GABRR2: variants seen among roughly 807,000 people sequenced by gnomAD.
GABRR2 encodes the protein gamma-aminobutyric acid receptor subunit rho-2.
A neutral mutation model predicts 47.0 loss-of-function variants in GABRR2; 36 were observed. That is an observed-to-expected ratio of 0.77 (90% CI 0.59 to 1.01). The LOEUF (loss-of-function observed/expected upper bound fraction) is 1.01, where lower values mean the gene tolerates loss of function less well. Among genes scored for constraint, GABRR2 ranks in the 50% least tolerant of loss-of-function variants. GABRR2 has a pLI of 0.00. For synonymous variants in GABRR2, 204 were observed against 227.5 expected (o/e 0.90, Z 0.93); for missense variants, 587 against 594.6 (o/e 0.99, Z 0.13).
chr6:89,300,490 C>T (rs71556327), intron 1 of GABRR2, among the ~76,000 whole-genome samples: 32 of 148,770 alleles, frequency 2.2e-4, no homozygotes, highest in East Asian at 1.9e-4. Context: ...TAGAGTGAGA[C>T]TCTGTCGCAA....
chr6:89,274,775 A>T (rs1774127650), intron 2 of GABRR2, among the ~76,000 whole-genome samples: 2 of 152,062 alleles, frequency 1.3e-5, no homozygotes. Context: ...ACTGAGGTGG[A>T]GAATTGCTTG....
At chr6:89,273,529 C>T (rs545212352) in intron 2 of GABRR2, among the ~76,000 whole-genome samples, 35 of 152,350 alleles carry the variant, frequency 2.3e-4, no homozygotes, top group African/African-American at 5.3e-4. Context: ...GCCACCGCAC[C>T]GGCCTGCATT....
chr6:89,269,143 C>A lies in GABRR2; in HGVS notation c.380G>T (p.Gly127Val). 6.2e-7 allele frequency: 1 copy of A among 1,614,026 alleles called. No individual in the cohort carries two copies. Among genetic ancestry groups the A allele is most frequent in the South Asian group, 1.1e-5 (1 of 91,082 alleles). The change falls in exon 4 of 9, where the codon GGC (glycine) becomes GTC (valine). Residue 127 changes from glycine to valine, a missense_variant. Transcript: ENST00000402938. ...GACCCAGATCTTCTTCACCAGCCGGCCATCGAAGGTCATGCTCTTGTTGCT... is the reference window on the plus strand; with the variant it reads ...GACCCAGATCTTCTTCACCAGCCGGACATCGAAGGTCATGCTCTTGTTGCT... ...SASNKSMTFD[G>V]RLVKKIWVPD...
chr6:89,276,920 A>G (rs916913547), intron 2 of GABRR2, among the ~76,000 whole-genome samples: 12 of 152,220 alleles, frequency 7.9e-5, no homozygotes, highest in Admixed American at 3.3e-4. Context: ...TAGGTCTATG[A>G]AACTATCTGA....
chr6:89,275,956 C>A (rs1053734850), intron 2 of GABRR2, among the ~76,000 whole-genome samples: 2 of 151,860 alleles, frequency 1.3e-5, no homozygotes, highest in African/African-American at 4.8e-5. Flanking sequence ...GGTGTTAATG[C>A]CACCAGGCAC....
At chr6:89,300,745 C>A (rs371736587) in intron 1 of GABRR2, among the ~76,000 whole-genome samples, 149 of 76,344 alleles carry the variant, frequency 2.0e-3, no homozygotes, top group African/African-American at 2.7e-3. Context: ...GCGTACCAAC[C>A]AAAAAAAAAA....
intron 1 of GABRR2, among the ~76,000 whole-genome samples, chr6:89,309,481 C>T (rs1338487949): frequency 1.3e-5 from 2 of 152,150 alleles, no homozygotes; most frequent in Non-Finnish European, 2.9e-5. Flanking sequence ...CTAAACTCCA[C>T]ATCTTCCTCT....
chr6:89,282,713 C>A (rs895785296), intron 2 of GABRR2, among the ~76,000 whole-genome samples: 6 of 152,208 alleles, frequency 3.9e-5, no homozygotes, highest in African/African-American at 1.4e-4. Context: ...AGCCCAAGCC[C>A]ACCACCAGGC....
chr6:89,255,718 A>G lies in GABRR2; in HGVS notation c.*1952T>C, dbSNP rs1260877871. Among the ~76,000 whole-genome samples the G allele has an allele frequency of 6.6e-6, 1 of 152,062 alleles. No individual in the cohort carries two copies. The highest frequency in any genetic ancestry group is 2.4e-5 in the African/African-American group (1 of 41,406). On this transcript the variant is annotated 3_prime_UTR_variant, in exon 9 of 9. Coordinates refer to ENST00000402938, the MANE Select transcript of GABRR2 (RefSeq NM_002043.5). ...TTGCCCACAAACCCTGTTCTCTGCAATGGCAAACCTTCCCATTCTCCCCAT... is the reference window on the plus strand; with the variant it reads ...TTGCCCACAAACCCTGTTCTCTGCAGTGGCAAACCTTCCCATTCTCCCCAT...
At chr6:89,273,737 C>T (rs533479860) in intron 2 of GABRR2, among the ~76,000 whole-genome samples, 1 of 152,336 alleles carries the variant, frequency 6.6e-6, no homozygotes, top group East Asian at 1.9e-4. Context: ...GCTAGAGGCT[C>T]CCAACACCAT....
rs576271318 is a variant in GABRR2 at position 89,268,326 on chromosome 6, C to T, written c.513-230G>A. On this transcript the variant is annotated intron_variant, in intron 4 of 8. Transcript: ENST00000402938. ...CATTACTGGGCTGGTGCTCCCCTTC[C>T]CCAGCCACTGGTGGTGCTGGCTGCT... 4.6e-5 allele frequency among the ~76,000 whole-genome samples: 7 copies of T among 152,348 alleles called. No individual in the cohort carries two copies. The East Asian group carries it at 9.6e-4, about 21-fold the overall frequency.
At chr6:89,297,944 C>T (rs1239265859) in intron 2 of GABRR2, among the ~76,000 whole-genome samples, 1 of 152,234 alleles carries the variant, frequency 6.6e-6, no homozygotes, top group Non-Finnish European at 1.5e-5. Context: ...TGTTGCTGTG[C>T]AAGAAAAGTG....
In GABRR2 at chr6:89,265,609, T is replaced by A; in HGVS notation, c.889+4A>T. On this transcript the variant is annotated splice_donor_region_variant and intron_variant, in intron 7 of 8. Transcript: ENST00000402938. ...CCCTACCACACCTTATGAAATGCTTTTACCCAGTGAAACTCTGGCAGGCAC... is the reference window on the plus strand; with the variant it reads ...CCCTACCACACCTTATGAAATGCTTATACCCAGTGAAACTCTGGCAGGCAC... The A allele has an allele frequency of 1.2e-6, 2 of 1,612,566 alleles. No individual in the cohort carries two copies. Among genetic ancestry groups the A allele is most frequent in the Non-Finnish European group, 1.7e-6 (2 of 1,179,452 alleles).
intron 1 of GABRR2, among the ~76,000 whole-genome samples, chr6:89,303,658 A>C (rs993024167): frequency 2.0e-5 from 3 of 151,312 alleles, no homozygotes; most frequent in Non-Finnish European, 4.4e-5. Flanking sequence ...AAAAAAAAAA[A>C]AAAAAAAAAA....
intron 1 of GABRR2, chr6:89,303,021 C>G: frequency 8.0e-7 from 1 of 1,251,698 alleles, no homozygotes; most frequent in East Asian, 4.0e-5. Context: ...ACCTGGTGTC[C>G]GAGTACCAGC....
Position 89,306,360 on chromosome 6 carries a change from TA to T in GABRR2, c.114-6496del, listed in dbSNP as rs747849268. Among the ~76,000 whole-genome samples the T allele has an allele frequency of 2.8e-3, 405 of 144,990 alleles. 1 individual carries two copies. The highest frequency in any genetic ancestry group is 8.5e-3 in the South Asian group (39 of 4,612). On this transcript the variant is annotated intron_variant, in intron 1 of 8. Coordinates refer to ENST00000402938, the MANE Select transcript of GABRR2 (RefSeq NM_002043.5). ...GAGTAACAGAGTGAGACCCTGTGTT[TA>T]AAAAAAAAAAAAATTCTCGTGATGT...
At chr6:89,299,897 C>CGGCT in intron 1 of GABRR2, 32 bp from the exon 2 acceptor site, 1 of 1,425,246 alleles carries the variant, frequency 7.0e-7, no homozygotes, top group Non-Finnish European at 9.9e-7. Flanking sequence ...TATTTTCCAT[C>CGGCT]GGCTCTTCAA....
intron 3 of GABRR2, among the ~76,000 whole-genome samples, chr6:89,270,030 G>A (rs1331225283): frequency 6.6e-6 from 1 of 152,208 alleles, no homozygotes; most frequent in Non-Finnish European, 1.5e-5. Context: ...CCCAGAGGGA[G>A]CCCCAGGAAG....
Position 89,268,077 on chromosome 6 carries a change from A to G in GABRR2, c.532T>C (p.Cys178Arg), listed in dbSNP as rs754691335. ...YSMRITVTAM[C>R]NMDFSHFPLD... ...GGAAAGTGGCTGAAGTCCATGTTGC[A>G]CATGGCAGTGACCGTAATCCTAGAC... Residue 178 changes from cysteine to arginine, a missense_variant, in exon 5 of 9, where the codon TGC becomes CGC. Coordinates refer to ENST00000402938, the MANE Select transcript of GABRR2 (RefSeq NM_002043.5). 3.1e-6 allele frequency: 5 copies of G among 1,610,756 alleles called. No individual in the cohort carries two copies. The highest frequency in any genetic ancestry group is 4.2e-6 in the Non-Finnish European group (5 of 1,178,288).
Sources: allele counts gnomAD v4.1 joint callset (sites outside exome capture counted in the v4.1 genomes callset), GRCh38; gene constraint gnomAD v4.1.1; transcripts MANE v1.5; gene names NCBI Gene and HGNC (gene_info 2026-07-23, HGNC 2026-07-21).